Variants in CSMD1 observed in about 807,000 individuals in gnomAD.
CSMD1 encodes the protein CUB and sushi domain-containing protein 1.
CSMD1 carries 213 observed loss-of-function variants against 417.5 expected under a neutral mutation model. The ratio of observed to expected loss-of-function variants is 0.51; its 90% CI spans 0.46 to 0.57. The LOEUF (loss-of-function observed/expected upper bound fraction) is 0.57. CSMD1 is among the 20% of genes least tolerant of loss of function. CSMD1 has a pLI of 0.00. For missense variants in CSMD1, 6,923 were observed against 4,529.7 expected, an observed-to-expected ratio of 1.53 and a Z score of -15.17; for synonymous variants, 2,862 against 1,736.8, an observed-to-expected ratio of 1.65 and a Z score of -16.11.
chr8:4,795,041 G>A (rs528970506), intron 1 of CSMD1, among the ~76,000 whole-genome samples: 1 of 150,038 alleles, frequency 6.7e-6, no homozygotes, highest in Non-Finnish European at 1.5e-5. Context: ...GGGTGGGTGG[G>A]TGTGTGTTTA....
intron 7 of CSMD1, among the ~76,000 whole-genome samples, chr8:3,643,665 C>G (rs950803945): frequency 2.1e-5 from 3 of 141,754 alleles, no homozygotes; most frequent in Non-Finnish European, 4.5e-5. Context: ...CGCGCCACTG[C>G]ACCCCAGCCT....
chr8:3,561,390 C>T (rs1799460373), intron 10 of CSMD1, among the ~76,000 whole-genome samples: 1 of 152,084 alleles, frequency 6.6e-6, no homozygotes, highest in African/African-American at 2.4e-5. Context: ...CTTAAGTGTC[C>T]AACAATGGTT....
Position 3,796,046 on chromosome 8 carries a change from T to TG in CSMD1, c.819-42005_819-42004insC, listed in dbSNP as rs1563088918. ...ATGTATAGATATAGATATATATCTA[T>TG]CATAGATATAGATATATATCTATCA... On this transcript the variant is annotated intron_variant, in intron 5 of 69. Coordinates refer to ENST00000635120, the MANE Select transcript of CSMD1 (RefSeq NM_033225.6). 2.3e-3 allele frequency among the ~76,000 whole-genome samples: 98 copies of TG among 43,196 alleles called. 7 individuals are homozygous for TG. The highest frequency in any genetic ancestry group is 3.2e-3 in the Non-Finnish European group (60 of 19,040). 28.3% of individuals were successfully genotyped at this position (43,196 alleles called of 152,430 possible).
At chr8:4,505,502 A>T (rs1453094972) in intron 2 of CSMD1, among the ~76,000 whole-genome samples, 1 of 152,176 alleles carries the variant, frequency 6.6e-6, no homozygotes, top group Non-Finnish European at 1.5e-5. Context: ...CTGCTTAATC[A>T]TTTAATTTAA....
At chr8:4,687,826 C>A (rs1185246170) in intron 1 of CSMD1, among the ~76,000 whole-genome samples, 1 of 107,452 alleles carries the variant, frequency 9.3e-6, no homozygotes, top group Non-Finnish European at 1.8e-5. Flanking sequence ...CACAAACACA[C>A]ATACATACAT....
chr8:4,689,752 G>A (rs1365911347), intron 1 of CSMD1, among the ~76,000 whole-genome samples: 1 of 152,090 alleles, frequency 6.6e-6, no homozygotes, highest in Non-Finnish European at 1.5e-5. Flanking sequence ...TGTACCTGAT[G>A]ACCTCTTCTA....
chr8:4,934,528 A>T (rs1807468257), intron 1 of CSMD1, among the ~76,000 whole-genome samples: 1 of 152,156 alleles, frequency 6.6e-6, no homozygotes, highest in Non-Finnish European at 1.5e-5. Flanking sequence ...CTTTGAGCTG[A>T]CTTAAGTTGC....
chr8:3,741,088 G>A (rs1213961004), intron 6 of CSMD1, among the ~76,000 whole-genome samples: 1 of 151,920 alleles, frequency 6.6e-6, no homozygotes, highest in African/African-American at 2.4e-5. Flanking sequence ...GGTGATAGGT[G>A]CCTGTGATCC....
At chr8:3,803,675 G>C (rs565870140) in intron 5 of CSMD1, among the ~76,000 whole-genome samples, 1 of 152,182 alleles carries the variant, frequency 6.6e-6, no homozygotes, top group Non-Finnish European at 1.5e-5. Flanking sequence ...GTGGCACCAC[G>C]CAGAGATTTG....
At position 4,319,432 on chromosome 8, in the gene CSMD1, C is replaced by T. The variant is rs996186959; in HGVS notation, c.415+100521G>A. ...GTGAGCCCTAACCAATATACCTACA[C>T]TTCTTTCCAAAATCCAAATAATAGC... On this transcript the variant is annotated intron_variant, in intron 3 of 69. Coordinates refer to ENST00000635120, the MANE Select transcript of CSMD1 (RefSeq NM_033225.6). Among the ~76,000 whole-genome samples the T allele has an allele frequency of 3.9e-5, 6 of 152,134 alleles. 1 individual carries two copies. The highest frequency in any genetic ancestry group is 8.8e-5 in the Non-Finnish European group (6 of 68,026).
rs113479380 is a variant in CSMD1, at chr8:4,477,073, G to C, written c.303-57008C>G. 1.6e-3 allele frequency among the ~76,000 whole-genome samples: 246 copies of C among 152,320 alleles called. 1 individual carries two copies. Among genetic ancestry groups the C allele is most frequent in the African/African-American group, 5.5e-3 (230 of 41,566 alleles). ...ACCCCAGCCTTGCAGCTGTGTCAGG[G>C]AGAGGGAAGAGCAGGTGTGAGCACT... is the stretch of plus-strand genomic sequence containing the variant. On this transcript the variant is annotated intron_variant, in intron 2 of 69. Transcript: ENST00000635120.
chr8:4,911,490 C>A (rs894635795), intron 1 of CSMD1, among the ~76,000 whole-genome samples: 2 of 152,046 alleles, frequency 1.3e-5, no homozygotes, highest in Non-Finnish European at 2.9e-5. Flanking sequence ...TGGGTCTATA[C>A]CTCAATGTCA....
chr8:4,066,328 G>A (rs545440511), intron 3 of CSMD1, among the ~76,000 whole-genome samples: 1 of 152,216 alleles, frequency 6.6e-6, no homozygotes, highest in South Asian at 2.1e-4. Context: ...GTGTTCTGCT[G>A]CCTAGCCCGT....
intron 1 of CSMD1, among the ~76,000 whole-genome samples, chr8:4,888,197 G>T (rs745856678): frequency 6.6e-6 from 1 of 151,798 alleles, no homozygotes; most frequent in Non-Finnish European, 1.5e-5. Context: ...TATTCATGAA[G>T]TATAATAAAA....
chr8:3,493,357 A>G (rs921817159), intron 11 of CSMD1, among the ~76,000 whole-genome samples: 4 of 151,474 alleles, frequency 2.6e-5, no homozygotes, highest in South Asian at 2.1e-4. Flanking sequence ...GTTTTTTGCT[A>G]CCTCATGAGT....
At chr8:4,623,867 G>A (rs1801932117) in intron 2 of CSMD1, among the ~76,000 whole-genome samples, 5 of 152,102 alleles carry the variant, frequency 3.3e-5, no homozygotes, top group South Asian at 4.1e-4. Context: ...GATGACCGGG[G>A]TCACAAGAAA....
intron 6 of CSMD1, among the ~76,000 whole-genome samples, chr8:3,735,585 G>C (rs542953321): frequency 2.6e-5 from 4 of 152,288 alleles, no homozygotes; most frequent in African/African-American, 9.6e-5. Flanking sequence ...TTGCTTCAGT[G>C]TCTGACTTCA....
chr8:4,648,202 C>A lies in CSMD1; in HGVS notation c.86-10644G>T, dbSNP rs891421174. Among the ~76,000 whole-genome samples, 28 of 152,342 alleles carry A rather than the reference C, an allele frequency of 1.8e-4. No homozygotes were observed. In the East Asian group the frequency reaches 5.4e-3, roughly 29 times the overall value. Reference sequence around the variant, plus strand: ...CTTTCTTTCTTATGTTTGTTGGACACATAAATGTCTTCTTTTGAGAAGTGT... The same window carrying A: ...CTTTCTTTCTTATGTTTGTTGGACAAATAAATGTCTTCTTTTGAGAAGTGT... On this transcript the variant is annotated intron_variant, in intron 1 of 69. Transcript: ENST00000635120.
intron 7 of CSMD1, among the ~76,000 whole-genome samples, chr8:3,623,397 A>G (rs1382198517): frequency 6.6e-6 from 1 of 152,200 alleles, no homozygotes; most frequent in Non-Finnish European, 1.5e-5. Context: ...TGCCATCATG[A>G]ATAAAGCAAG....
Sources: gnomAD v4.1 joint callset for allele counts (sites outside exome capture counted in the v4.1 genomes callset) on GRCh38, gnomAD v4.1.1 for gene constraint, MANE v1.5 for transcripts, NCBI Gene and HGNC (gene_info 2026-07-23, HGNC 2026-07-21) for gene names.